Variants in UVSSA observed in about 807,000 individuals in gnomAD.
The protein encoded by UVSSA is UV-stimulated scaffold protein A.
A neutral mutation model predicts 73.9 loss-of-function variants in UVSSA; 72 were observed. The observed-to-expected ratio is 0.97, with a 90% CI of 0.81 to 1.19. The LOEUF (loss-of-function observed/expected upper bound fraction) is 1.19. Among genes scored for constraint, UVSSA ranks in the 50% most tolerant of loss-of-function variants. UVSSA has a pLI of 0.00. For synonymous variants in UVSSA, 454 were observed against 391.3 expected, an observed-to-expected ratio of 1.16 and a Z score of -1.89; for missense variants, 1,150 against 965.0, an observed-to-expected ratio of 1.19 and a Z score of -2.54.
chr4:1,360,316 C>T (rs1317923), intron 7 of UVSSA, among the ~76,000 whole-genome samples: 1,904 of 152,322 alleles, frequency 0.012, 47 homozygotes, highest in African/African-American at 0.042. Flanking sequence ...GGGCTTTCAC[C>T]GTCCCTCAGT....
At position 1,352,573 on chromosome 4, in the gene UVSSA, G is replaced by A. The variant is rs1051394000; in HGVS notation, c.551-457G>A. 3.9e-5 allele frequency among the ~76,000 whole-genome samples: 6 copies of A among 152,346 alleles called. No homozygotes were observed. In the East Asian group the frequency reaches 7.7e-4, roughly 20 times the overall value. On this transcript the variant is annotated intron_variant, in intron 4 of 13. Coordinates refer to ENST00000389851, the MANE Select transcript of UVSSA (RefSeq NM_020894.4). ...GTGCAGGTGGGCTGACCTCCCCTGC[G>A]CACTCGTGCTTGCTACCCAGAGGTA...
At chr4:1,381,228 C>T (rs942843357) in intron 12 of UVSSA, among the ~76,000 whole-genome samples, 4 of 152,204 alleles carry the variant, frequency 2.6e-5, no homozygotes, top group African/African-American at 4.8e-5. Flanking sequence ...AGGCCCTGAC[C>T]GGGAGGTGGG....
chr4:1,375,418 C>CGAGGAT lies in UVSSA; in HGVS notation c.1345_1350dup (p.Arg449_Met450dup), dbSNP rs772712726. ...GTTGTGCGGTGCTTGCGGACGAGGA[C>CGAGGAT]GAGGATGGACGAGGAGGTGTCGGAC... On this transcript the variant is annotated inframe_insertion, in exon 9 of 14. Coordinates refer to ENST00000389851, the MANE Select transcript of UVSSA (RefSeq NM_020894.4). 6.2e-7 allele frequency: 1 copy of CGAGGAT among 1,613,428 alleles called. No homozygotes were observed. Among genetic ancestry groups the CGAGGAT allele is most frequent in the Non-Finnish European group, 8.5e-7 (1 of 1,180,004 alleles).
chr4:1,362,357 C>T (rs1716769145), intron 7 of UVSSA, among the ~76,000 whole-genome samples: 1 of 152,212 alleles, frequency 6.6e-6, no homozygotes, highest in Non-Finnish European at 1.5e-5. Context: ...GCTTCCAATG[C>T]CCCGCAGGGG....
chr4:1,377,073 C>T (rs1239173049), intron 10 of UVSSA, among the ~76,000 whole-genome samples: 2 of 152,142 alleles, frequency 1.3e-5, no homozygotes, highest in African/African-American at 2.4e-5. Flanking sequence ...GCGGGGTCTG[C>T]GGGGCGTGAT....
chr4:1,379,527 C>T (rs886749489), intron 10 of UVSSA, among the ~76,000 whole-genome samples: 1 of 152,228 alleles, frequency 6.6e-6, no homozygotes, highest in Non-Finnish European at 1.5e-5. Context: ...GGAGTCTGGT[C>T]TCCAGCACCC....
intron 11 of UVSSA, chr4:1,380,599 GC>G: frequency 3.4e-6 from 5 of 1,476,078 alleles, no homozygotes; most frequent in Non-Finnish European, 4.5e-6. Context: ...TGGGCATGGT[GC>G]AGGGGGGTCG....
chr4:1,346,259 C>T (rs1226472756), upstream of UVSSA, among the ~76,000 whole-genome samples: 2 of 152,252 alleles, frequency 1.3e-5, no homozygotes, highest in Admixed American at 6.5e-5. Flanking sequence ...AAGGGCACGC[C>T]CATCCCCCCG....
chr4:1,354,832 G>T lies in UVSSA; in HGVS notation c.1032G>T (p.Val344=), dbSNP rs372630188. The T allele has an allele frequency of 1.2e-6, 2 of 1,610,098 alleles. No individual in the cohort carries two copies. The highest frequency in any genetic ancestry group is 2.7e-5 in the African/African-American group (2 of 74,456). ...KLIRNKFLPA[V]CSWIQRFTRV... is the part of the protein sequence containing the mutation. Reference sequence around the variant, plus strand: ...TCCGGAACAAGTTCCTGCCGGCTGTGTGCTCGTGGATCCAGGTGAGCCTCG... The same window carrying T: ...TCCGGAACAAGTTCCTGCCGGCTGTTTGCTCGTGGATCCAGGTGAGCCTCG... Residue 344 remains valine (V), a synonymous_variant, in exon 6 of 14, where the codon GTG becomes GTT. Coordinates refer to ENST00000389851, the MANE Select transcript of UVSSA (RefSeq NM_020894.4).
intron 5 of UVSSA, chr4:1,354,406 T>G (rs1369201694): frequency 3.0e-6 from 1 of 337,528 alleles, no homozygotes; most frequent in Non-Finnish European, 5.8e-6. Flanking sequence ...GAGGGGAAGG[T>G]TCTGTGCCCG....
chr4:1,372,154 A>G (rs1180513291), intron 8 of UVSSA, among the ~76,000 whole-genome samples: 3 of 152,184 alleles, frequency 2.0e-5, no homozygotes, highest in Non-Finnish European at 2.9e-5. Flanking sequence ...TTTTCGTAGT[A>G]AATCTTTTTT....
At position 1,363,770 on chromosome 4, in the gene UVSSA, T is replaced by G. The variant is rs1716960719; in HGVS notation, c.1177-2550T>G. ...AAGTGCCCCTGTCATTTCCAAAGAG[T>G]ATAATTGGGACGTTTCACAGGTCAG... On this transcript the variant is annotated intron_variant, in intron 7 of 13. Coordinates refer to ENST00000389851, the MANE Select transcript of UVSSA (RefSeq NM_020894.4). Among the ~76,000 whole-genome samples the G allele has an allele frequency of 2.0e-5, 3 of 152,194 alleles. No individual in the cohort carries two copies. The South Asian group carries it at 6.2e-4, about 32-fold the overall frequency.
upstream of UVSSA, among the ~76,000 whole-genome samples, chr4:1,343,404 G>C (rs750354675): frequency 4.6e-5 from 7 of 152,138 alleles, no homozygotes; most frequent in Non-Finnish European, 1.0e-4. Flanking sequence ...TTGGAGGTTA[G>C]GGCTTCGACA....
intron 12 of UVSSA, among the ~76,000 whole-genome samples, chr4:1,381,438 G>A (rs556234575): frequency 9.8e-5 from 15 of 152,342 alleles, no homozygotes; most frequent in African/African-American, 3.1e-4. Flanking sequence ...TCCAGGAGGC[G>A]TGTGGCCACT....
chr4:1,363,755 G>C (rs1716958412), intron 7 of UVSSA, among the ~76,000 whole-genome samples: 1 of 152,242 alleles, frequency 6.6e-6, no homozygotes, highest in Admixed American at 6.5e-5. Context: ...AAGTGCCCCT[G>C]TCATTTCCAA....
rs781037370 is a variant in UVSSA, at chr4:1,395,726, C to G, written c.*9765C>G. On this transcript the variant is annotated 3_prime_UTR_variant, in exon 14 of 14. Coordinates refer to the UVSSA transcript ENST00000511216. ...CACACAAAGCCCTGGCATGGTGGTT[C>G]TGTAGGTTTCCTGTCCTGCCGGCCG... 25 of 1,614,136 alleles carry G rather than the reference C, an allele frequency of 1.5e-5. No homozygotes were observed. In the East Asian group the frequency reaches 5.6e-4, roughly 36 times the overall value.
chr4:1,345,875 C>G (rs987331229), upstream of UVSSA, among the ~76,000 whole-genome samples: 1 of 151,636 alleles, frequency 6.6e-6, no homozygotes, highest in Non-Finnish European at 1.5e-5. Flanking sequence ...CTAGTAACAA[C>G]AAAAAAAACC....
At chr4:1,355,555 T>C (rs1715600265) in intron 7 of UVSSA, among the ~76,000 whole-genome samples, 2 of 152,126 alleles carry the variant, frequency 1.3e-5, no homozygotes, top group South Asian at 2.1e-4. Context: ...CGTGACTCCT[T>C]CTAGGGAGTC....
chr4:1,366,332 G>A lies in UVSSA; in HGVS notation c.1189G>A (p.Gly397Arg). Residue 397 changes from glycine to arginine, a missense_variant, in exon 8 of 14, where the codon GGG becomes AGG. Coordinates refer to ENST00000389851, the MANE Select transcript of UVSSA (RefSeq NM_020894.4). ...GGERRRTEAL[G>R]DAEEDEDDED... ...TGTTTTTCCACAGACAGAAGCCCTG[G>A]GGGATGCGGAGGAAGATGAGGACGA... 14 of 1,612,624 alleles carry A rather than the reference G, an allele frequency of 8.7e-6. No homozygotes were observed. Among genetic ancestry groups the A allele is most frequent in the Non-Finnish European group, 1.2e-5 (14 of 1,179,200 alleles).
Sources: allele counts gnomAD v4.1 joint callset (sites outside exome capture counted in the v4.1 genomes callset), GRCh38; gene constraint gnomAD v4.1.1; transcripts MANE v1.5; gene names NCBI Gene and HGNC (gene_info 2026-07-23, HGNC 2026-07-21).